OPCML: variants seen among roughly 807,000 people sequenced by gnomAD.
The protein encoded by OPCML is opioid binding protein/cell adhesion molecule like.
OPCML carries 13 observed loss-of-function variants against 37.8 expected under a neutral mutation model. The ratio of observed to expected loss-of-function variants is 0.34; its 90% CI spans 0.22 to 0.55. OPCML has a LOEUF of 0.55. Among genes scored for constraint, OPCML ranks in the 20% least tolerant of loss-of-function variants. The pLI is 0.91. For missense variants in OPCML, 341 were observed against 435.6 expected (o/e 0.78, Z 1.93); for synonymous variants, 176 against 168.8 (o/e 1.04, Z -0.33).
intron 1 of OPCML, among the ~76,000 whole-genome samples, chr11:133,219,601 T>C (rs5025997): frequency 0.34 from 51,404 of 151,746 alleles, 9,362 homozygotes; most frequent in African/African-American, 0.47. Context: ...CTGAATCAGG[T>C]CTGCAGTGTG....
chr11:132,781,937 CAT>C (rs34043092), intron 2 of OPCML, among the ~76,000 whole-genome samples: 42 of 99,422 alleles, frequency 4.2e-4, no homozygotes, highest in Middle Eastern at 5.9e-3. Context: ...TATATATATA[CAT>C]ATATATATAT....
chr11:133,090,171 A>G (rs58742723), intron 1 of OPCML, among the ~76,000 whole-genome samples: 14,619 of 152,030 alleles, frequency 0.096, 1,068 homozygotes, highest in African/African-American at 0.21. Flanking sequence ...CTCCTCCTAG[A>G]TACCTAATCA....
At chr11:132,925,731 G>A (rs1335446413) in intron 2 of OPCML, among the ~76,000 whole-genome samples, 1 of 152,116 alleles carries the variant, frequency 6.6e-6, no homozygotes, top group Non-Finnish European at 1.5e-5. Flanking sequence ...AGTTTTTAAG[G>A]TAGTGGCCTT....
chr11:132,590,962 TAGA>T (rs1405321879), intron 3 of OPCML, among the ~76,000 whole-genome samples: 9 of 152,232 alleles, frequency 5.9e-5, no homozygotes, highest in Non-Finnish European at 1.2e-4. Context: ...CATAATCCTC[TAGA>T]AGAACCAGTA....
Position 132,650,601 on chromosome 11 carries a change from C to CA in OPCML, c.379+6485dup, listed in dbSNP as rs555851145. Among the ~76,000 whole-genome samples, 80 of 151,796 alleles carry CA rather than the reference C, an allele frequency of 5.3e-4. 1 individual carries two copies. In the Middle Eastern group the frequency reaches 0.017, roughly 32 times the overall value. On this transcript the variant is annotated intron_variant, in intron 3 of 7. Transcript: ENST00000524381. Reference sequence around the variant, plus strand: ...ACACACACACACACACATACACACACAAAAAAAACACACACAGCCACACAT... The same window carrying CA: ...ACACACACACACACACATACACACACAAAAAAAAACACACACAGCCACACAT...
At chr11:133,019,921 C>T (rs1398533075) in intron 1 of OPCML, among the ~76,000 whole-genome samples, 1 of 152,228 alleles carries the variant, frequency 6.6e-6, no homozygotes, top group Non-Finnish European at 1.5e-5. Context: ...CACAGGCATG[C>T]TCCCCAGTGC....
chr11:132,722,080 C>T (rs888939425), intron 2 of OPCML, among the ~76,000 whole-genome samples: 4 of 151,034 alleles, frequency 2.6e-5, no homozygotes, highest in East Asian at 3.9e-4. Flanking sequence ...CTCAGCCTCC[C>T]GAGTAGCTGG....
chr11:132,801,812 T>A (rs1938666539), intron 2 of OPCML, among the ~76,000 whole-genome samples: 2 of 152,218 alleles, frequency 1.3e-5, no homozygotes. Flanking sequence ...TGCTATTATG[T>A]GCCATACAGT....
At chr11:132,475,889 A>G (rs976151311) in intron 4 of OPCML, among the ~76,000 whole-genome samples, 1 of 152,206 alleles carries the variant, frequency 6.6e-6, no homozygotes, top group African/African-American at 2.4e-5. Flanking sequence ...TTTCATCTGT[A>G]TACATTTATG....
At chr11:132,609,594 T>C (rs1180011906) in intron 3 of OPCML, among the ~76,000 whole-genome samples, 1 of 152,192 alleles carries the variant, frequency 6.6e-6, no homozygotes, top group Non-Finnish European at 1.5e-5. Context: ...CGCTTCCTCT[T>C]GTAGGGCTCC....
At chr11:132,767,824 C>A (rs972365180) in intron 2 of OPCML, among the ~76,000 whole-genome samples, 1 of 151,820 alleles carries the variant, frequency 6.6e-6, no homozygotes, top group Non-Finnish European at 1.5e-5. Context: ...AAAAAAAACC[C>A]TCCTGCAGTT....
chr11:132,823,370 C>A (rs953193322), intron 2 of OPCML, among the ~76,000 whole-genome samples: 2 of 152,260 alleles, frequency 1.3e-5, no homozygotes, highest in African/African-American at 2.4e-5. Context: ...GTCCTCACAC[C>A]CCTTCCTCCC....
chr11:132,697,643 T>C (rs972138319), intron 2 of OPCML, among the ~76,000 whole-genome samples: 3 of 152,252 alleles, frequency 2.0e-5, no homozygotes, highest in African/African-American at 4.8e-5. Context: ...TATTTTTATA[T>C]AGAACACGTT....
In OPCML at chr11:132,436,689, G is replaced by C; in HGVS notation, c.734C>G (p.Ala245Gly). 6.2e-7 allele frequency: 1 copy of C among 1,614,158 alleles called. No homozygotes were observed. The stretch of plus-strand genomic sequence containing the variant: ...TTCTTCCTTGAACCACTGGAATTCA[G>C]CCATGGGGACTGCAGAGGCTTCACA... ...LSCEASAVPM[A>G]EFQWFKEETR... The change falls in exon 6 of 8, where the codon GCT becomes GGT. Residue 245 changes from alanine to glycine, a missense_variant. Coordinates refer to ENST00000524381, the MANE Select transcript of OPCML (RefSeq NM_001012393.5).
At chr11:132,736,098 C>G (rs918123398) in intron 2 of OPCML, among the ~76,000 whole-genome samples, 4 of 152,138 alleles carry the variant, frequency 2.6e-5, no homozygotes, top group South Asian at 4.1e-4. Flanking sequence ...TATGTATATC[C>G]TGTTGTCCTC....
At chr11:132,681,153 T>A (rs1942924061) in intron 2 of OPCML, among the ~76,000 whole-genome samples, 1 of 152,170 alleles carries the variant, frequency 6.6e-6, no homozygotes. Context: ...CTGATAGTGA[T>A]AGGGAGAGGA....
At chr11:132,745,605 A>AAAG (rs1198320278) in intron 2 of OPCML, among the ~76,000 whole-genome samples, 43 of 147,224 alleles carry the variant, frequency 2.9e-4, no homozygotes, top group African/African-American at 1.0e-3. Context: ...AGAAAGAAAG[A>AAAG]AAAAAAAAGG....
At chr11:133,530,577 C>A (rs371968854) in intron 1 of OPCML, among the ~76,000 whole-genome samples, 1 of 152,240 alleles carries the variant, frequency 6.6e-6, no homozygotes, top group Non-Finnish European at 1.5e-5. Context: ...CAGGCTCAGG[C>A]AGGTACTGAG....
chr11:133,051,712 A>G (rs1948134993), intron 1 of OPCML, among the ~76,000 whole-genome samples: 1 of 152,158 alleles, frequency 6.6e-6, no homozygotes, highest in Admixed American at 6.5e-5. Context: ...CATAACACAA[A>G]GCTCAAATGT....
Sources: gnomAD v4.1 joint callset for allele counts (sites outside exome capture counted in the v4.1 genomes callset) on GRCh38, gnomAD v4.1.1 for gene constraint, MANE v1.5 for transcripts, NCBI Gene and HGNC (gene_info 2026-07-23, HGNC 2026-07-21) for gene names.